Variants in ATP2B2 observed in about 807,000 individuals in gnomAD.
ATP2B2 encodes ATPase plasma membrane Ca2+ transporting 2, also known as plasma membrane calcium-transporting ATPase 2.
A neutral mutation model predicts 120.0 loss-of-function variants in ATP2B2; 15 were observed. The observed-to-expected ratio is 0.12, with a 90% CI of 0.08 to 0.19. The LOEUF is 0.19. Ranked by LOEUF, ATP2B2 falls within the 10% of genes least tolerant of loss-of-function variation. The pLI, the probability that ATP2B2 is intolerant of heterozygous loss-of-function variation, is 1.00. For synonymous variants in ATP2B2, 694 were observed against 700.3 expected (o/e 0.99, Z 0.14); for missense variants, 1,045 against 1,719.8 (o/e 0.61, Z 6.94).
At chr3:10,379,396 G>T in intron 8 of ATP2B2, 112 bp from the exon 9 acceptor site, 1 of 1,208,052 alleles carries the variant, frequency 8.3e-7, no homozygotes, top group Non-Finnish European at 1.2e-6. Flanking sequence ...GGCGGGCCGT[G>T]CTGACTGCAT....
At chr3:10,671,835 G>C (rs2071105146) in intron 1 of ATP2B2, among the ~76,000 whole-genome samples, 1 of 152,164 alleles carries the variant, frequency 6.6e-6, no homozygotes, top group South Asian at 2.1e-4. Flanking sequence ...GAGACCCAAA[G>C]ACACTGGTGG....
intron 2 of ATP2B2, among the ~76,000 whole-genome samples, chr3:10,617,057 A>T (rs1313247815): frequency 6.6e-6 from 1 of 152,234 alleles, no homozygotes; most frequent in Non-Finnish European, 1.5e-5. Flanking sequence ...TCTGTGATCT[A>T]TATTGCCACA....
At chr3:10,603,761 G>A (rs2068988519) in intron 2 of ATP2B2, among the ~76,000 whole-genome samples, 1 of 151,992 alleles carries the variant, frequency 6.6e-6, no homozygotes, top group South Asian at 2.1e-4. Flanking sequence ...CTTCGTTCTG[G>A]CATTACATAT....
intron 1 of ATP2B2, among the ~76,000 whole-genome samples, chr3:10,659,689 A>C (rs2070730242): frequency 6.6e-6 from 1 of 152,116 alleles, no homozygotes; most frequent in Non-Finnish European, 1.5e-5. Flanking sequence ...AGATCAACAA[A>C]ACAGAAAGTT....
At chr3:10,424,862 T>A (rs2063097524) in intron 2 of ATP2B2, among the ~76,000 whole-genome samples, 1 of 152,232 alleles carries the variant, frequency 6.6e-6, no homozygotes, top group Non-Finnish European at 1.5e-5. Context: ...CTATTTTTTA[T>A]GACTATATAT....
chr3:10,489,960 A>G (rs2065872219), intron 1 of ATP2B2, among the ~76,000 whole-genome samples: 1 of 152,126 alleles, frequency 6.6e-6, no homozygotes, highest in South Asian at 2.1e-4. Flanking sequence ...GCCCTGCACT[A>G]CTGGTGGTGG....
At chr3:10,472,406 C>G (rs1668535915) in intron 1 of ATP2B2, among the ~76,000 whole-genome samples, 1 of 152,214 alleles carries the variant, frequency 6.6e-6, no homozygotes, top group African/African-American at 2.4e-5. Context: ...CTGCCCAGAC[C>G]TCTTGCTGGG....
At chr3:10,526,354 C>T (rs9841486) in intron 3 of ATP2B2, among the ~76,000 whole-genome samples, 24,081 of 152,088 alleles carry the variant, frequency 0.16, 2,615 homozygotes, top group East Asian at 0.44. Flanking sequence ...TTGGTGGAAG[C>T]TGGGGTTCCA....
intron 1 of ATP2B2, among the ~76,000 whole-genome samples, chr3:10,633,463 C>T (rs912458208): frequency 3.3e-5 from 5 of 152,210 alleles, no homozygotes; most frequent in African/African-American, 4.8e-5. Flanking sequence ...TTTAAGTTAA[C>T]AAGTCTTCAT....
intron 1 of ATP2B2, among the ~76,000 whole-genome samples, chr3:10,470,562 A>G (rs1163912554): frequency 6.6e-6 from 1 of 152,130 alleles, no homozygotes; most frequent in African/African-American, 2.4e-5. Context: ...TGGGCTCAAG[A>G]GGGTTAAATG....
At chr3:10,611,418 G>A (rs376071018) in intron 2 of ATP2B2, among the ~76,000 whole-genome samples, 4 of 152,176 alleles carry the variant, frequency 2.6e-5, no homozygotes, top group South Asian at 2.1e-4. Context: ...GGGATACATC[G>A]GTGTCGTCCA....
At position 10,707,704 on chromosome 3, in the gene ATP2B2, G is replaced by A. The variant is rs921914502; in HGVS notation, c.-460+211C>T. Among the ~76,000 whole-genome samples the A allele has an allele frequency of 3.4e-5, 5 of 146,850 alleles. No individual in the cohort carries two copies. The East Asian group carries it at 8.8e-4, about 26-fold the overall frequency. On this transcript the variant is annotated intron_variant, in intron 1 of 21. Coordinates refer to the ATP2B2 transcript ENST00000646379. ...CCCACCCCGGCCCGCCCCGCCCGCC[G>A]CCTGGTGCCCGCTCAAGGTCACTGC...
intron 10 of ATP2B2, among the ~76,000 whole-genome samples, chr3:10,376,510 G>A (rs376878554): frequency 1.2e-4 from 19 of 152,246 alleles, no homozygotes; most frequent in African/African-American, 3.9e-4. Flanking sequence ...ATGCTGTAAC[G>A]GTAGGAACGC....
intron 2 of ATP2B2, among the ~76,000 whole-genome samples, chr3:10,574,547 A>T (rs1190085642): frequency 6.6e-6 from 1 of 152,162 alleles, no homozygotes; most frequent in Non-Finnish European, 1.5e-5. Context: ...CAAGGTCTAG[A>T]TGATGCTTAT....
At chr3:10,388,225 A>G in intron 6 of ATP2B2, 52 bp downstream of exon 6, 1 of 1,613,476 alleles carries the variant, frequency 6.2e-7, no homozygotes, top group Non-Finnish European at 8.5e-7. Context: ...AAACAAAAAA[A>G]AAATGTGGCC....
chr3:10,464,316 T>C (rs2064639833), intron 1 of ATP2B2, among the ~76,000 whole-genome samples: 2 of 152,140 alleles, frequency 1.3e-5, no homozygotes, highest in African/African-American at 4.8e-5. Flanking sequence ...CGGGGACAGA[T>C]GCGAATGCAG....
intron 2 of ATP2B2, among the ~76,000 whole-genome samples, chr3:10,559,354 T>C (rs2067850651): frequency 6.6e-6 from 1 of 152,168 alleles, no homozygotes; most frequent in East Asian, 1.9e-4. Flanking sequence ...CAATAACTTA[T>C]TGCACATGTT....
chr3:10,553,061 T>A (rs1046992310), intron 2 of ATP2B2, among the ~76,000 whole-genome samples: 1 of 152,318 alleles, frequency 6.6e-6, no homozygotes, highest in East Asian at 1.9e-4. Flanking sequence ...TGGGAATATA[T>A]TAAAATCACA....
At chr3:10,442,327 T>C (rs761129921) in intron 2 of ATP2B2, among the ~76,000 whole-genome samples, 1 of 152,162 alleles carries the variant, frequency 6.6e-6, no homozygotes, top group Non-Finnish European at 1.5e-5. Context: ...GAAGACTCCC[T>C]AGTCTTGCTG....
Sources: allele counts gnomAD v4.1 joint callset (sites outside exome capture counted in the v4.1 genomes callset), GRCh38; gene constraint gnomAD v4.1.1; transcripts MANE v1.5; gene names NCBI Gene and HGNC (gene_info 2026-07-23, HGNC 2026-07-21).